The following NEXMIF variants were observed in gnomAD, a reference collection of about 807,000 sequenced individuals.
NEXMIF encodes neurite extension and migration factor.
NEXMIF carries 8 observed loss-of-function variants against 62.1 expected under a neutral mutation model. That is an observed-to-expected ratio of 0.13 (90% CI 0.08 to 0.23). The LOEUF is 0.23. NEXMIF is among the 10% of genes least tolerant of loss of function. The pLI is 1.00. For missense variants in NEXMIF, 976 were observed against 1,113.3 expected (o/e 0.88, Z 1.75); for synonymous variants, 404 against 416.6 (o/e 0.97, Z 0.37).
At chrX:74,824,176 ATAT>A (rs957535566) in intron 1 of NEXMIF, among the ~76,000 whole-genome samples, 6 of 111,351 alleles carry the variant, frequency 5.4e-5, no homozygotes, top group Admixed American at 9.6e-5. Context: ...AATGCACAGT[ATAT>A]TATTATTAAC....
intron 1 of NEXMIF, among the ~76,000 whole-genome samples, chrX:74,834,843 T>C (rs1947434650): frequency 8.9e-6 from 1 of 111,802 alleles, no homozygotes; most frequent in Admixed American, 9.5e-5. Context: ...CTGATATATT[T>C]CCGTAGGTTT....
chrX:74,826,594 G>T (rs1444861812), intron 1 of NEXMIF, among the ~76,000 whole-genome samples: 1 of 111,471 alleles, frequency 9.0e-6, no homozygotes, highest in Admixed American at 9.5e-5. Flanking sequence ...TGTTTCCTTT[G>T]CTGTGAAGAA....
Position 74,736,720 on chromosome X carries a change from C to T in NEXMIF, c.*2685G>A, listed in dbSNP as rs1478781901. The T allele has an allele frequency of 8.9e-6, 1 of 112,060 alleles. No homozygotes were observed. The highest frequency in any genetic ancestry group is 1.9e-5 in the Non-Finnish European group (1 of 53,133). The allele number at this position is 112,060 out of a possible 1,213,427, so 9.2% of individuals were successfully genotyped here. On this transcript the variant is annotated 3_prime_UTR_variant, in exon 4 of 4. Coordinates refer to ENST00000055682, the MANE Select transcript of NEXMIF (RefSeq NM_001008537.3). ...ACATCTTCTGCCTCGGCCTATTGCT[C>T]ATTTCTCAAACTCTGTTTCTTTTTA...
chrX:74,800,179 G>C (rs1448043466), intron 1 of NEXMIF, among the ~76,000 whole-genome samples: 1 of 111,439 alleles, frequency 9.0e-6, no homozygotes, highest in Non-Finnish European at 1.9e-5. Flanking sequence ...CCACTAATTT[G>C]CATGTAACCT....
Position 74,820,689 on chromosome X carries a change from G to A in NEXMIF, c.-47-74992C>T, listed in dbSNP as rs142289938. Among the ~76,000 whole-genome samples the A allele has an allele frequency of 1.8e-4, 20 of 111,959 alleles. 1 individual carries two copies. The highest frequency in any genetic ancestry group is 1.4e-3 in the Admixed American group (15 of 10,551). ...CATCCATAAAAAAGAATGAAATCAT[G>A]TCCTTTGCAGCAACGTGGATGCAGC... On this transcript the variant is annotated intron_variant, in intron 1 of 3. Transcript: ENST00000055682.
Position 74,739,227 on chromosome X carries a change from G to T in NEXMIF, c.*178C>A. ...AATGTTTTCAATTTTTTCCTTGTGG[G>T]TAAATAGTGCATAAACTACTTGTGC... is the stretch of plus-strand genomic sequence containing the variant. On this transcript the variant is annotated 3_prime_UTR_variant, in exon 4 of 4. Transcript: ENST00000055682. 1 of 361,885 alleles carries T rather than the reference G, an allele frequency of 2.8e-6. No homozygotes were observed. Among genetic ancestry groups the T allele is most frequent in the Admixed American group, 5.7e-5 (1 of 17,572 alleles). The allele number at this position is 361,885 out of a possible 1,213,427, so 29.8% of individuals were successfully genotyped here. A position where few individuals can be genotyped will look rare whatever the true frequency, so the allele number is the denominator to read the frequency against.
At chrX:74,796,075 G>A (rs2080305493) in intron 1 of NEXMIF, among the ~76,000 whole-genome samples, 1 of 84,658 alleles carries the variant, frequency 1.2e-5, no homozygotes, top group Non-Finnish European at 2.2e-5. Flanking sequence ...ATTAGAGTTA[G>A]AGACATCAAT....
chrX:74,862,186 A>G (rs1373095174), intron 1 of NEXMIF, among the ~76,000 whole-genome samples: 2 of 111,500 alleles, frequency 1.8e-5, no homozygotes, highest in Admixed American at 1.9e-4. Context: ...CAGGAGTGAC[A>G]ATCCTAGTTT....
intron 1 of NEXMIF, among the ~76,000 whole-genome samples, chrX:74,892,176 C>G (rs763966183): frequency 1.8e-5 from 2 of 112,097 alleles, no homozygotes; most frequent in East Asian, 2.8e-4. Context: ...CCTACAGACC[C>G]AAAGAAATAT....
chrX:74,871,474 C>T (rs1411821019), intron 1 of NEXMIF, among the ~76,000 whole-genome samples: 1 of 111,551 alleles, frequency 9.0e-6, no homozygotes, highest in Non-Finnish European at 1.9e-5. Context: ...GGTTCGAGAG[C>T]AGACAACTGG....
At position 74,859,169 on chromosome X, in the gene NEXMIF, G is replaced by A. The variant is rs190797692; in HGVS notation, c.-48+65714C>T. On this transcript the variant is annotated intron_variant, in intron 1 of 3. Coordinates refer to ENST00000055682, the MANE Select transcript of NEXMIF (RefSeq NM_001008537.3). ...ACCATCCAAGTACGAGAAGGTTATA[G>A]AACACCCAACAGATTTTACCAAAAG... Among the ~76,000 whole-genome samples, 3 of 111,032 alleles carry A rather than the reference G, an allele frequency of 2.7e-5. No individual in the cohort carries two copies. In the Admixed American group the frequency reaches 2.9e-4, roughly 11 times the overall value.
chrX:74,744,425 A>G lies in NEXMIF; in HGVS notation c.132T>C (p.Ala44=). 1 of 1,207,221 alleles carries G rather than the reference A, an allele frequency of 8.3e-7. No homozygotes were observed. Among genetic ancestry groups the G allele is most frequent in the Non-Finnish European group, 1.1e-6 (1 of 892,893 alleles). ...AMKSFAALEA[A]APIQPTPVAQ... The stretch of plus-strand genomic sequence containing the variant: ...CCACCGGTGTAGGCTGGATAGGTGC[A>G]GCAGCTTCTAGAGCTGCAAATGACT... Residue 44 remains alanine (A), a synonymous_variant, in exon 3 of 4, where the codon GCT becomes GCC. Coordinates refer to ENST00000055682, the MANE Select transcript of NEXMIF (RefSeq NM_001008537.3).
At chrX:74,882,326 C>T (rs1418240783) in intron 1 of NEXMIF, among the ~76,000 whole-genome samples, 6 of 111,706 alleles carry the variant, frequency 5.4e-5, no homozygotes, top group Non-Finnish European at 9.4e-5. Context: ...GTGCACCGTG[C>T]GTGAGTCGAA....
chrX:74,869,494 A>G (rs2080592445), intron 1 of NEXMIF, among the ~76,000 whole-genome samples: 1 of 112,016 alleles, frequency 8.9e-6, no homozygotes, highest in Admixed American at 9.5e-5. Flanking sequence ...AAAAGAAAGA[A>G]CTAAAGGGCA....
intron 1 of NEXMIF, among the ~76,000 whole-genome samples, chrX:74,798,652 T>C (rs1158297001): frequency 8.9e-6 from 1 of 112,322 alleles, no homozygotes; most frequent in Non-Finnish European, 1.9e-5. Flanking sequence ...TCCAATTAGA[T>C]GGCAATAGAG....
intron 1 of NEXMIF, among the ~76,000 whole-genome samples, chrX:74,890,560 A>G (rs1045476802): frequency 1.8e-5 from 2 of 111,965 alleles, no homozygotes; most frequent in Non-Finnish European, 3.8e-5. Flanking sequence ...AATTATGTAC[A>G]TATCATCAAA....
At chrX:74,823,332 T>C (rs1040959468) in intron 1 of NEXMIF, among the ~76,000 whole-genome samples, 1 of 111,536 alleles carries the variant, frequency 9.0e-6, no homozygotes, top group Non-Finnish European at 1.9e-5. Flanking sequence ...AAATGCCTTA[T>C]ACGAGTGAAT....
At chrX:74,913,223 C>T (rs746824282) in intron 1 of NEXMIF, among the ~76,000 whole-genome samples, 6 of 111,218 alleles carry the variant, frequency 5.4e-5, no homozygotes, top group Admixed American at 9.6e-5. Flanking sequence ...TTGTAACAAA[C>T]GAAAAATAGA....
chrX:74,770,139 A>G (rs2080205586), intron 1 of NEXMIF, among the ~76,000 whole-genome samples: 1 of 111,869 alleles, frequency 8.9e-6, no homozygotes, highest in Admixed American at 9.5e-5. Flanking sequence ...TGATATTTGG[A>G]TGTTACTTTG....
Sources: gnomAD v4.1 joint callset for allele counts (sites outside exome capture counted in the v4.1 genomes callset) on GRCh38, gnomAD v4.1.1 for gene constraint, MANE v1.5 for transcripts, NCBI Gene and HGNC (gene_info 2026-07-23, HGNC 2026-07-21) for gene names.